Variants in PTPRM observed in about 807,000 individuals in gnomAD.
PTPRM encodes the protein receptor-type tyrosine-protein phosphatase mu.
PTPRM carries 47 observed loss-of-function variants against 186.7 expected under a neutral mutation model. The observed-to-expected ratio is 0.25, with a 90% CI of 0.20 to 0.32. The LOEUF (loss-of-function observed/expected upper bound fraction) is 0.32. Ranked by LOEUF, PTPRM falls within the 10% of genes least tolerant of loss-of-function variation. The pLI is 1.00. For missense variants in PTPRM, 1,494 were observed against 1,865.0 expected, an observed-to-expected ratio of 0.80 and a Z score of 3.66; for synonymous variants, 668 against 674.9, an observed-to-expected ratio of 0.99 and a Z score of 0.16.
chr18:8,114,629 G>T (rs371483260), intron 12 of PTPRM, among the ~76,000 whole-genome samples, 162 bp from the exon 13 acceptor site: 2 of 152,204 alleles, frequency 1.3e-5, no homozygotes, highest in African/African-American at 4.8e-5. Context: ...GCCAGAAAAT[G>T]TATCTGAGTA....
At chr18:7,608,743 A>G (rs1295178402) in intron 1 of PTPRM, among the ~76,000 whole-genome samples, 1 of 152,228 alleles carries the variant, frequency 6.6e-6, no homozygotes, top group African/African-American at 2.4e-5. Flanking sequence ...GGTGACAACC[A>G]CATCCAACTG....
intron 7 of PTPRM, among the ~76,000 whole-genome samples, chr18:8,044,295 G>A (rs2086878202): frequency 6.6e-6 from 1 of 152,170 alleles, no homozygotes; most frequent in Non-Finnish European, 1.5e-5. Context: ...GGGAACCGAA[G>A]ATATTCAGTC....
At position 8,289,651 on chromosome 18, in the gene PTPRM, C is replaced by T. The variant is rs373733333; in HGVS notation, c.2755-6717C>T. 1.1e-4 allele frequency among the ~76,000 whole-genome samples: 15 copies of T among 141,136 alleles called. No individual in the cohort carries two copies. In the East Asian group the frequency reaches 1.8e-3, roughly 17 times the overall value. 92.6% of individuals were successfully genotyped at this position (141,136 alleles called of 152,430 possible). Reference sequence around the variant, plus strand: ...ATATATACACACATATATATATAGGCGGCAAACCTCAATCCCATTATCAAA... The same window carrying T: ...ATATATACACACATATATATATAGGTGGCAAACCTCAATCCCATTATCAAA... On this transcript the variant is annotated intron_variant, in intron 19 of 32. Transcript: ENST00000580170.
intron 1 of PTPRM, among the ~76,000 whole-genome samples, chr18:7,696,240 A>G (rs2039840772): frequency 6.6e-6 from 1 of 152,148 alleles, no homozygotes; most frequent in Non-Finnish European, 1.5e-5. Context: ...GACTTACTTT[A>G]TTTCTTAATA....
chr18:7,637,167 CAAAA>C (rs11296631), intron 1 of PTPRM, among the ~76,000 whole-genome samples: 2 of 72,130 alleles, frequency 2.8e-5, no homozygotes, highest in Admixed American at 1.6e-4. Flanking sequence ...GACCCTGACT[CAAAA>C]AAAAAAAAAA....
intron 2 of PTPRM, among the ~76,000 whole-genome samples, chr18:7,874,116 TAAA>T (rs11400321): frequency 1.1e-4 from 17 of 149,488 alleles, no homozygotes; most frequent in African/African-American, 9.8e-5. Context: ...GGAAAAGTTT[TAAA>T]AAAAAAAATC....
intron 20 of PTPRM, among the ~76,000 whole-genome samples, chr18:8,302,866 A>G (rs1438173345): frequency 6.6e-6 from 1 of 152,046 alleles, no homozygotes; most frequent in African/African-American, 2.4e-5. Context: ...AGAGGAGCTC[A>G]GGTTGGCATG....
chr18:8,223,178 C>T (rs1402448555), intron 14 of PTPRM, among the ~76,000 whole-genome samples: 7 of 152,178 alleles, frequency 4.6e-5, no homozygotes, highest in South Asian at 2.1e-4. Context: ...GAGCCACGAT[C>T]GCACCACTGC....
intron 23 of PTPRM, among the ~76,000 whole-genome samples, chr18:8,348,494 C>G (rs1035205383): frequency 3.3e-5 from 5 of 152,260 alleles, no homozygotes; most frequent in African/African-American, 1.2e-4. Context: ...GTCAGTTTTC[C>G]TGGCACCTGC....
intron 1 of PTPRM, among the ~76,000 whole-genome samples, chr18:7,729,161 C>T (rs1241308420): frequency 6.6e-6 from 1 of 152,210 alleles, no homozygotes; most frequent in Non-Finnish European, 1.5e-5. Flanking sequence ...CCTCCTGCCT[C>T]AGCCTCTCAA....
chr18:7,817,767 C>A (rs2044923566), intron 2 of PTPRM, among the ~76,000 whole-genome samples: 1 of 152,138 alleles, frequency 6.6e-6, no homozygotes, highest in African/African-American at 2.4e-5. Flanking sequence ...TGCGTTTGCA[C>A]CATGTGATTC....
intron 5 of PTPRM, among the ~76,000 whole-genome samples, chr18:7,943,378 C>T (rs2052316868): frequency 6.6e-6 from 1 of 152,088 alleles, no homozygotes; most frequent in South Asian, 2.1e-4. Context: ...GCTATTCTAG[C>T]TCATGATTCC....
rs540717734 is a variant in PTPRM, at chr18:7,740,919, T to C, written c.74-33230T>C. 5.3e-5 allele frequency among the ~76,000 whole-genome samples: 8 copies of C among 152,302 alleles called. No homozygotes were observed. The South Asian group carries it at 1.7e-3, about 32-fold the overall frequency. On this transcript the variant is annotated intron_variant, in intron 1 of 32. Coordinates refer to ENST00000580170, the MANE Select transcript of PTPRM (RefSeq NM_001105244.2). Reference sequence around the variant, plus strand: ...CTACTTTTGGCAACAGGAAGCTGCTTTGAGAGACGAATACATAGCTGAAGC... The same window carrying C: ...CTACTTTTGGCAACAGGAAGCTGCTCTGAGAGACGAATACATAGCTGAAGC...
At position 7,668,164 on chromosome 18, in the gene PTPRM, C is replaced by T. The variant is rs2039139284; in HGVS notation, c.73+100273C>T. ...GGAAAGTCAAGCTCTTATTATTTAG[C>T]AGTCCTTCTTCAAAGGGTGTGCATG... On this transcript the variant is annotated intron_variant, in intron 1 of 32. Transcript: ENST00000580170. This position sits in a 1 kb window ranked among gnomAD's most constrained non-coding sequence, Gnocchi z 4.7. Among the ~76,000 whole-genome samples the T allele has an allele frequency of 6.6e-6, 1 of 152,152 alleles. No individual in the cohort carries two copies. The highest frequency in any genetic ancestry group is 1.5e-5 in the Non-Finnish European group (1 of 68,024).
intron 7 of PTPRM, among the ~76,000 whole-genome samples, chr18:8,024,681 C>CT (rs397724573): frequency 0.014 from 1,802 of 124,800 alleles, 35 homozygotes; most frequent in African/African-American, 0.018. Context: ...AAACCCAAAT[C>CT]TTTTTTTTTT....
At chr18:7,618,010 G>T (rs752092714) in intron 1 of PTPRM, among the ~76,000 whole-genome samples, 4 of 152,316 alleles carry the variant, frequency 2.6e-5, no homozygotes, top group Middle Eastern at 3.4e-3. Flanking sequence ...GAGTGGACTG[G>T]AATCTGTTCT....
intron 13 of PTPRM, among the ~76,000 whole-genome samples, chr18:8,119,066 C>A (rs923587979): frequency 6.6e-6 from 1 of 151,766 alleles, no homozygotes; most frequent in South Asian, 2.1e-4. Flanking sequence ...GAAAACAAAG[C>A]ATTTTTCAAT....
intron 1 of PTPRM, among the ~76,000 whole-genome samples, chr18:7,719,593 A>G (rs2040409114): frequency 6.6e-6 from 1 of 152,240 alleles, no homozygotes. Context: ...TAATTGTTAA[A>G]CAATTCATTA....
At chr18:8,320,684 A>G (rs192067038) in intron 22 of PTPRM, among the ~76,000 whole-genome samples, 170 of 152,280 alleles carry the variant, frequency 1.1e-3, no homozygotes, top group Admixed American at 3.8e-3. Flanking sequence ...ATCCTGCCCC[A>G]TGCCCACAGC....
Sources: gnomAD v4.1 joint callset for allele counts (sites outside exome capture counted in the v4.1 genomes callset) on GRCh38, gnomAD v4.1.1 for gene constraint, Gnocchi (gnomAD v3.1) non-coding constraint, MANE v1.5 for transcripts, NCBI Gene and HGNC (gene_info 2026-07-23, HGNC 2026-07-21) for gene names.